The following PAK1 variants were observed in gnomAD, a reference collection of about 807,000 sequenced individuals.
PAK1 encodes serine/threonine-protein kinase PAK 1.
Under a neutral mutation model 67.4 loss-of-function variants are expected in PAK1, and 29 were observed. The observed-to-expected ratio is 0.43, with a 90% CI of 0.32 to 0.59. PAK1 has a LOEUF of 0.59. PAK1 is among the 20% of genes least tolerant of loss of function. PAK1 has a pLI of 0.07. For missense variants in PAK1, 337 were observed against 670.7 expected (o/e 0.50, Z 5.50); for synonymous variants, 223 against 237.4 (o/e 0.94, Z 0.56).
At chr11:77,474,768 T>C (rs1268205065), upstream of PAK1, 2 of 152,202 alleles carry the variant, frequency 1.3e-5, no homozygotes, top group African/African-American at 4.8e-5. Context: ...GGGCTTCCTT[T>C]CACGTTTTTT....
At chr11:77,332,891 C>A in intron 13 of PAK1, 24 bp from the exon 14 acceptor site, 1 of 1,610,708 alleles carries the variant, frequency 6.2e-7, no homozygotes, top group Non-Finnish European at 8.5e-7. Context: ...TGGTGAATCA[C>A]CTTGAGCTCC....
At position 77,332,867 on chromosome 11, in the gene PAK1, C is replaced by A; in HGVS notation, c.1414G>T (p.Ala472Ser). ...PPYLNENPLR[A>S]LYLIATNGTP... Reference sequence around the variant, plus strand: ...CCATTGGTGGCAATGAGGTACAAGGCCTGGCAATAAAAATGGTGAATCACC... The same window carrying A: ...CCATTGGTGGCAATGAGGTACAAGGACTGGCAATAAAAATGGTGAATCACC... Residue 472 changes from alanine (A) to serine (S), a missense_variant and splice_region_variant, in exon 14 of 15, where the codon GCC becomes TCC. This residue lies in a region of PAK1 where 71 missense variants were observed against 160.5 expected (regional missense o/e 0.44). Transcript: ENST00000356341. The A allele has an allele frequency of 6.2e-7, 1 of 1,613,582 alleles. No individual in the cohort carries two copies. The highest frequency in any genetic ancestry group is 8.5e-7 in the Non-Finnish European group (1 of 1,179,568).
chr11:77,518,615 G>A, the PAK1 span, among the ~76,000 whole-genome samples: 21 of 152,110 alleles, frequency 1.4e-4, no homozygotes, highest in African/African-American at 1.9e-4. Context: ...AGATGTGTGA[G>A]AGAGAAAATC....
chr11:77,526,693 G>A, the PAK1 span, among the ~76,000 whole-genome samples: 618 of 152,204 alleles, frequency 4.1e-3, 4 homozygotes, highest in African/African-American at 0.014. Flanking sequence ...TGAGGTGGGC[G>A]GATCACGAGG....
At chr11:77,343,746 C>T in intron 10 of PAK1, 73 bp downstream of exon 10, 1 of 894,734 alleles carries the variant, frequency 1.1e-6, no homozygotes, top group Non-Finnish European at 1.9e-6. Context: ...TGGCACTGCC[C>T]TCTTCTCTAA....
chr11:77,447,535 C>CT lies in PAK1; in HGVS notation c.-22+26016dup, dbSNP rs930087173. On this transcript the variant is annotated intron_variant, in intron 1 of 14. Transcript: ENST00000356341. ...ATCTGCTAACAAGATGAAACAGATT[C>CT]TTTTTTTTTTTTTCAGGGGAAGTCT... Among the ~76,000 whole-genome samples the CT allele has an allele frequency of 1.4e-3, 196 of 144,472 alleles. 2 individuals carry two copies. Among genetic ancestry groups the CT allele is most frequent in the Admixed American group, 2.6e-3 (37 of 14,370 alleles). The allele number at this position is 144,472 out of a possible 152,430, so 94.8% of individuals were successfully genotyped here.
In PAK1 at chr11:77,322,989, C is replaced by T. The variant is rs1938750722; in HGVS notation, c.*285G>A. On this transcript the variant is annotated 3_prime_UTR_variant, in exon 15 of 15. Transcript: ENST00000356341. ...GGTGAGGATTTTGACACACGGAAGA[C>T]TAGAAACATTTATTTATATAAACCC... 1 of 613,110 alleles carries T rather than the reference C, an allele frequency of 1.6e-6. No individual in the cohort carries two copies. Among genetic ancestry groups the T allele is most frequent in the Admixed American group, 2.8e-5 (1 of 35,828 alleles). 38.0% of individuals were successfully genotyped at this position (613,110 alleles called of 1,614,324 possible).
intron 1 of PAK1, among the ~76,000 whole-genome samples, chr11:77,420,345 G>A (rs773059493): frequency 2.6e-5 from 4 of 152,178 alleles, no homozygotes; most frequent in Non-Finnish European, 5.9e-5. Context: ...CAGACACAAT[G>A]TTCGTCACTA....
intron 1 of PAK1, among the ~76,000 whole-genome samples, chr11:77,449,000 A>G (rs1956736889): frequency 6.6e-6 from 1 of 152,250 alleles, no homozygotes; most frequent in Non-Finnish European, 1.5e-5. Context: ...AAAAATGGCT[A>G]AGGAATATTA....
the PAK1 span, among the ~76,000 whole-genome samples, chr11:77,508,758 C>G: frequency 6.7e-6 from 1 of 149,194 alleles, no homozygotes; most frequent in Non-Finnish European, 1.5e-5. Context: ...CTGCCGGGTT[C>G]ACGCCATTTT....
At chr11:77,416,456 T>G (rs1954957817) in intron 1 of PAK1, among the ~76,000 whole-genome samples, 1 of 152,158 alleles carries the variant, frequency 6.6e-6, no homozygotes, top group South Asian at 2.1e-4. Context: ...GGAAGGTCTT[T>G]AGGGGCAATA....
At chr11:77,462,841 A>G (rs1360000221) in intron 1 of PAK1, among the ~76,000 whole-genome samples, 2 of 151,560 alleles carry the variant, frequency 1.3e-5, no homozygotes, top group African/African-American at 2.4e-5. Flanking sequence ...CCAAAAAAAA[A>G]AAAAAGTCAT....
chr11:77,430,748 ATTG>A (rs1955821688), intron 1 of PAK1, among the ~76,000 whole-genome samples: 2 of 152,220 alleles, frequency 1.3e-5, no homozygotes, highest in Non-Finnish European at 2.9e-5. Context: ...GGGACAAATA[ATTG>A]TTGTAAAGCG....
At chr11:77,465,108 C>T (rs557509905) in intron 1 of PAK1, among the ~76,000 whole-genome samples, 1 of 152,108 alleles carries the variant, frequency 6.6e-6, no homozygotes, top group South Asian at 2.1e-4. Flanking sequence ...AGTCAATTAT[C>T]CGGCAAGTGG....
the PAK1 span, among the ~76,000 whole-genome samples, chr11:77,488,824 C>T: frequency 1.2e-4 from 18 of 152,052 alleles, no homozygotes; most frequent in East Asian, 3.1e-3. Flanking sequence ...AAGGTCAAAC[C>T]TAAGACTTAT....
chr11:77,400,927 C>T (rs1952592987), intron 1 of PAK1, among the ~76,000 whole-genome samples: 3 of 152,138 alleles, frequency 2.0e-5, no homozygotes, highest in African/African-American at 4.8e-5. Flanking sequence ...CTGCCAGTCA[C>T]CCAGGGTCAT....
At chr11:77,439,125 T>C (rs1308487439) in intron 1 of PAK1, among the ~76,000 whole-genome samples, 1 of 152,242 alleles carries the variant, frequency 6.6e-6, no homozygotes, top group East Asian at 1.9e-4. Flanking sequence ...GTTAGGACTT[T>C]GGCTTTTAAG....
At chr11:77,512,857 G>A in the PAK1 span, among the ~76,000 whole-genome samples, 1 of 152,182 alleles carries the variant, frequency 6.6e-6, no homozygotes, top group East Asian at 1.9e-4. Context: ...ACTTTGGGAG[G>A]CTGAGGCAGG....
the PAK1 span, among the ~76,000 whole-genome samples, chr11:77,501,533 G>C: frequency 6.6e-6 from 1 of 152,182 alleles, no homozygotes; most frequent in Non-Finnish European, 1.5e-5. Context: ...CTTGAGCAGG[G>C]CTGATCCCAC....
Sources: gnomAD v4.1 joint callset for allele counts (sites outside exome capture counted in the v4.1 genomes callset) on GRCh38, gnomAD v4.1.1 for gene constraint, gnomAD v4.1.1 regional missense constraint, MANE v1.5 for transcripts, NCBI Gene and HGNC (gene_info 2026-07-23, HGNC 2026-07-21) for gene names.